The following MROH6 variants were observed in gnomAD, a reference collection of about 807,000 sequenced individuals.
MROH6 encodes maestro heat like repeat family member 6, also known as maestro heat-like repeat-containing protein family member 6.
A neutral mutation model predicts 67.7 loss-of-function variants in MROH6; 62 were observed. The ratio of observed to expected loss-of-function variants is 0.92; its 90% CI spans 0.75 to 1.13. MROH6 has a LOEUF of 1.13. Ranked by LOEUF, MROH6 falls within the 50% of genes most tolerant of loss-of-function variation. The probability of loss-of-function intolerance (pLI) is 0.00; values close to 1 mark genes in which losing one functional copy is unlikely to be tolerated. For missense variants in MROH6, 1,175 were observed against 1,029.1 expected (o/e 1.14, Z -1.94); for synonymous variants, 566 against 470.8 (o/e 1.20, Z -2.62).
Position 143,567,453 on chromosome 8 carries a change from A to T in MROH6, c.1946T>A (p.Leu649Gln). ...CACAGCCGGCTTGGGGTCGCTCTGC[A>T]GTCGCCCTAGGTCTGCGAGGAGATC... Reference protein sequence around the residue: ...LDSLFQDLGRLQSDPKPAVAA... With the variant: ...LDSLFQDLGRQQSDPKPAVAA... The change falls in exon 14 of 14, where the codon CTG becomes CAG. Residue 649 changes from leucine (L) to glutamine (Q), a missense_variant. By Grantham distance (113) the Leu-to-Gln change is moderately radical. Transcript: ENST00000398882. 7.3e-7 allele frequency: 1 copy of T among 1,373,096 alleles called. No homozygotes were observed. Among genetic ancestry groups the T allele is most frequent in the Non-Finnish European group, 9.4e-7 (1 of 1,060,020 alleles). The allele number at this position is 1,373,096 out of a possible 1,614,324, so 85.1% of individuals were successfully genotyped here.
At position 143,569,746 on chromosome 8, in the gene MROH6, C is replaced by T. The variant is rs1823889485; in HGVS notation, c.1253G>A (p.Arg418His). ...TWQGDPEPTV[R>H]WLGLLGLGHL... ...GCCCAGGCCCAGCAGGCCCAACCAG[C>T]GCACAGTGGGTTCGGGGTCTCCCTG... Residue 418 changes from arginine (R) to histidine (H), a missense_variant, in exon 8 of 14, where the codon CGC becomes CAC. Coordinates refer to ENST00000398882, the MANE Select transcript of MROH6 (RefSeq NM_001100878.2). The T allele has an allele frequency of 6.2e-7, 1 of 1,613,092 alleles. No homozygotes were observed. Among genetic ancestry groups the T allele is most frequent in the Admixed American group, 1.7e-5 (1 of 59,996 alleles).
rs556789123 is a variant in MROH6 at position 143,568,110 on chromosome 8, C to G, written c.1764+32G>C. On this transcript the variant is annotated intron_variant, in intron 11 of 13. Transcript: ENST00000398882. ...GGAACAAGTGGGCTGCTGATCATAC[C>G]CCCTTGCGGTCACCTTGCTTCCCCT... 28 of 1,570,922 alleles carry G rather than the reference C, an allele frequency of 1.8e-5. No individual in the cohort carries two copies. The East Asian group carries it at 6.4e-4, about 36-fold the overall frequency.
Position 143,569,680 on chromosome 8 carries a change from C to T in MROH6, c.1302+17G>A. On this transcript the variant is annotated intron_variant, in intron 8 of 13. Transcript: ENST00000398882. ...GACCGGGCCAAGCCCCTCTCCACCC[C>T]TCCCCTTCTCTCACACCTTCCTGCG... 3.1e-6 allele frequency: 5 copies of T among 1,611,146 alleles called. No individual in the cohort carries two copies. Among genetic ancestry groups the T allele is most frequent in the Non-Finnish European group, 4.2e-6 (5 of 1,178,440 alleles).
Position 143,572,658 on chromosome 8 carries a change from T to G in MROH6, c.57A>C (p.Leu19=). 6.4e-6 allele frequency: 10 copies of G among 1,562,336 alleles called. No homozygotes were observed. Among genetic ancestry groups the G allele is most frequent in the Non-Finnish European group, 8.6e-6 (10 of 1,158,336 alleles). ...TTCCTTCAGTCAGTGCTGTCAGGGT[T>G]AGAGCCCCCACGGGAGCCTCCCGGG... The part of the protein sequence containing the change: ...SRAREAPVGA[L]TLTALTEGIR... Residue 19 remains leucine, a synonymous_variant, in exon 1 of 14, where the codon CTA becomes CTC. Coordinates refer to ENST00000398882, the MANE Select transcript of MROH6 (RefSeq NM_001100878.2).
rs1194204605 is a variant in MROH6 at position 143,569,942 on chromosome 8, C to T, written c.1158+9G>A. On this transcript the variant is annotated intron_variant, in intron 7 of 13. Coordinates refer to ENST00000398882, the MANE Select transcript of MROH6 (RefSeq NM_001100878.2). ...CACCCTTCACCACCCATCCGGGAAG[C>T]AGGCTCACCCCTGTGAAGAAGGCCA... 2.5e-6 allele frequency: 4 copies of T among 1,612,592 alleles called. No homozygotes were observed. The highest frequency in any genetic ancestry group is 2.2e-5 in the East Asian group (1 of 44,856).
chr8:143,569,986 G>C lies in MROH6; in HGVS notation c.1123C>G (p.Pro375Ala). The change falls in exon 7 of 14, where the codon CCG becomes GCG. Residue 375 changes from proline to alanine, a missense_variant. By Grantham distance (27) the Pro-to-Ala change is conservative. Transcript: ENST00000398882. ...LLPRLRSADDPQRLTAMAFFT... is the reference protein window; with the variant it reads ...LLPRLRSADDAQRLTAMAFFT... ...AAGGCCATAGCCGTGAGACGCTGCG[G>C]GTCGTCCGCGCTGCGAAGCCGAGGG... 1 of 1,613,232 alleles carries C rather than the reference G, an allele frequency of 6.2e-7. No homozygotes were observed. Among genetic ancestry groups the C allele is most frequent in the Non-Finnish European group, 8.5e-7 (1 of 1,179,858 alleles).
rs1360275595 is a variant in MROH6 at position 143,569,990 on chromosome 8, G to A, written c.1119C>T (p.Asp373=). The A allele has an allele frequency of 6.2e-7, 1 of 1,613,188 alleles. No homozygotes were observed. The highest frequency in any genetic ancestry group is 8.5e-7 in the Non-Finnish European group (1 of 1,179,850). The part of the protein sequence containing the change: ...ADLLPRLRSA[D]DPQRLTAMAF... ...CCATAGCCGTGAGACGCTGCGGGTC[G>A]TCCGCGCTGCGAAGCCGAGGGAGCA... The change falls in exon 7 of 14, where the codon GAC becomes GAT. Residue 373 remains aspartate, a synonymous_variant. Transcript: ENST00000398882.
chr8:143,569,941 G>T lies in MROH6; in HGVS notation c.1158+10C>A. On this transcript the variant is annotated intron_variant, in intron 7 of 13. Transcript: ENST00000398882. The stretch of plus-strand genomic sequence containing the variant: ...TCACCCTTCACCACCCATCCGGGAA[G>T]CAGGCTCACCCCTGTGAAGAAGGCC... 1.9e-6 allele frequency: 3 copies of T among 1,612,640 alleles called. No individual in the cohort carries two copies. Among genetic ancestry groups the T allele is most frequent in the Non-Finnish European group, 2.5e-6 (3 of 1,179,310 alleles).
Position 143,567,886 on chromosome 8 carries a change from A to G in MROH6, c.1767T>C (p.Val589=). The change falls in exon 12 of 14, where the codon GTT becomes GTC. Residue 589 remains valine (V), a splice_region_variant and synonymous_variant. Transcript: ENST00000398882. ...TGGGCACGTGGCCTGGGTATCGCTG[A>G]ACCTGGGGACAAAAGGGCTAGTGGC... The part of the protein sequence containing the change: ...EALSHLCCRL[V]QRYPGHVPNF... 1 of 1,522,384 alleles carries G rather than the reference A, an allele frequency of 6.6e-7. No homozygotes were observed. The highest frequency in any genetic ancestry group is 8.8e-7 in the Non-Finnish European group (1 of 1,136,782). 94.3% of individuals were successfully genotyped at this position (1,522,384 alleles called of 1,614,324 possible).
Position 143,572,682 on chromosome 8 carries a change from G to C in MROH6, c.33C>G (p.Ala11=), listed in dbSNP as rs368133940. The C allele has an allele frequency of 6.5e-7, 1 of 1,529,128 alleles. No individual in the cohort carries two copies. The highest frequency in any genetic ancestry group is 8.8e-7 in the Non-Finnish European group (1 of 1,141,704). The allele number at this position is 1,529,128 out of a possible 1,614,324, so 94.7% of individuals were successfully genotyped here. MAGGVWGRSR[A]REAPVGALTL... ...TTAGAGCCCCCACGGGAGCCTCCCG[G>C]GCCCGGCTCCGGCCCCACACACCCC... is the stretch of plus-strand genomic sequence containing the variant. The change falls in exon 1 of 14, where the codon GCC becomes GCG. Residue 11 remains alanine (A), a synonymous_variant. Coordinates refer to ENST00000398882, the MANE Select transcript of MROH6 (RefSeq NM_001100878.2).
chr8:143,572,478 G>T lies in MROH6; in HGVS notation c.237C>A (p.Gly79=), dbSNP rs779285552. The change falls in exon 1 of 14, where the codon GGC becomes GGA. Residue 79 remains glycine (G), a synonymous_variant. Coordinates refer to ENST00000398882, the MANE Select transcript of MROH6 (RefSeq NM_001100878.2). ...PGRGATVPEA[G]SEPCSLNSAL... ...CACTGTTGAGGGAGCAGGGCTCGCTGCCAGCTTCAGGGACGGTGGCCCCAC... is the reference window on the plus strand; with the variant it reads ...CACTGTTGAGGGAGCAGGGCTCGCTTCCAGCTTCAGGGACGGTGGCCCCAC... The T allele has an allele frequency of 6.2e-7, 1 of 1,602,610 alleles. No homozygotes were observed. The highest frequency in any genetic ancestry group is 1.1e-5 in the South Asian group (1 of 89,856).
In MROH6 at chr8:143,568,729, A is replaced by C. The variant is rs781102273; in HGVS notation, c.1477-10T>G. On this transcript the variant is annotated splice_polypyrimidine_tract_variant and intron_variant, in intron 9 of 13. Coordinates refer to ENST00000398882, the MANE Select transcript of MROH6 (RefSeq NM_001100878.2). ...GGATTGAGTCCCGTGTCTGCGTGGG[A>C]GGGCGCAGTCAGGGCAGGCGGAGAC... 168 of 1,457,658 alleles carry C rather than the reference A, an allele frequency of 1.2e-4. No homozygotes were observed. The Middle Eastern group carries it at 2.2e-3, about 19-fold the overall frequency. 90.3% of individuals were successfully genotyped at this position (1,457,658 alleles called of 1,614,324 possible).
At chr8:143,570,098 G>C (rs764477920) in intron 6 of MROH6, 33 bp from the exon 7 acceptor site, 15 of 1,595,520 alleles carry the variant, frequency 9.4e-6, no homozygotes, top group Non-Finnish European at 1.3e-5. Context: ...CTCTCGCTCC[G>C]TTTGGCGGCC....
At chr8:143,568,061 C>A in intron 11 of MROH6, 81 bp downstream of exon 11, 1 of 1,517,714 alleles carries the variant, frequency 6.6e-7, no homozygotes, top group Non-Finnish European at 8.9e-7. Context: ...GCAGTAGAAA[C>A]GGTTGGGGGC....
chr8:143,571,471 G>A, intron 3 of MROH6, among the ~76,000 whole-genome samples, 196 bp downstream of exon 3: 1 of 152,344 alleles, frequency 6.6e-6, no homozygotes, highest in South Asian at 2.1e-4. Context: ...GAAACTCTGT[G>A]GCAGGAGTGT....
chr8:143,569,531 G>A lies in MROH6; in HGVS notation c.1386C>T (p.Gly462=), dbSNP rs1485091593. 9.9e-6 allele frequency: 15 copies of A among 1,513,262 alleles called. No individual in the cohort carries two copies. Among genetic ancestry groups the A allele is most frequent in the African/African-American group, 1.4e-5 (1 of 70,632 alleles). 93.7% of individuals were successfully genotyped at this position (1,513,262 alleles called of 1,614,324 possible). ...GCCGCAGCAGGAGCCTCCTCAGGGC[G>A]CCCAGCGCTGCACCCACGAGCCGCG... ...GDARLVGAAL[G]ALRRLLLRPR... Residue 462 remains glycine, a synonymous_variant, in exon 9 of 14, where the codon GGC becomes GGT. Transcript: ENST00000398882.
chr8:143,571,447 G>A (rs1342807639), intron 3 of MROH6, among the ~76,000 whole-genome samples: 1 of 152,216 alleles, frequency 6.6e-6, no homozygotes, highest in Admixed American at 6.5e-5. Context: ...CTCCAAGAGA[G>A]GAGCCCAGCA....
Position 143,570,284 on chromosome 8 carries a change from C to T in MROH6, c.1002G>A (p.Val334=). Residue 334 remains valine, a synonymous_variant, in exon 6 of 14, where the codon GTG becomes GTA. Coordinates refer to ENST00000398882, the MANE Select transcript of MROH6 (RefSeq NM_001100878.2). The part of the protein sequence containing the change: ...MEQAGGWRRL[V]GAHTHLEGVL... ...CGCCCTCCAGGTGGGTGTGGGCTCC[C>T]ACCAGCCTCCTCCAGCCTCCTGCCT... 4.4e-6 allele frequency: 7 copies of T among 1,605,160 alleles called. No individual in the cohort carries two copies. Among genetic ancestry groups the T allele is most frequent in the Non-Finnish European group, 5.9e-6 (7 of 1,178,122 alleles).
At chr8:143,569,362 G>A in intron 9 of MROH6, 79 bp downstream of exon 9, 3 of 1,241,054 alleles carry the variant, frequency 2.4e-6, no homozygotes, top group East Asian at 6.5e-5. Flanking sequence ...ACGGGGGCGG[G>A]GCCTGGGAGG....
Sources: gnomAD v4.1 joint callset for allele counts (sites outside exome capture counted in the v4.1 genomes callset) on GRCh38, gnomAD v4.1.1 for gene constraint, MANE v1.5 for transcripts, NCBI Gene and HGNC (gene_info 2026-07-23, HGNC 2026-07-21) for gene names.